The following ZFHX3 variants were observed in gnomAD, a reference collection of about 807,000 sequenced individuals.
The protein encoded by ZFHX3 is zinc finger homeobox 3.
ZFHX3 carries 42 observed loss-of-function variants against 279.1 expected under a neutral mutation model. That is an observed-to-expected ratio of 0.15 (90% CI 0.12 to 0.19). The LOEUF is 0.19. Among genes scored for constraint, ZFHX3 ranks in the 10% least tolerant of loss-of-function variants. The pLI is 1.00. For missense variants in ZFHX3, 4,981 were observed against 4,754.0 expected, an observed-to-expected ratio of 1.05 and a Z score of -1.40; for synonymous variants, 2,293 against 1,957.8, an observed-to-expected ratio of 1.17 and a Z score of -4.52.
intron 4 of ZFHX3, among the ~76,000 whole-genome samples, chr16:72,877,639 T>G (rs1334296968): frequency 6.6e-6 from 1 of 152,242 alleles, no homozygotes; most frequent in Non-Finnish European, 1.5e-5. Context: ...TGTTTCATAC[T>G]TGGGCGGTGA....
chr16:73,204,832 T>C (rs1006123044), intron 5 of ZFHX3, among the ~76,000 whole-genome samples: 2 of 152,324 alleles, frequency 1.3e-5, no homozygotes, highest in South Asian at 4.1e-4. Flanking sequence ...ACGGCTTTCC[T>C]CATTTTAAAG....
At chr16:73,642,207 T>C (rs1373054342) in intron 2 of ZFHX3, among the ~76,000 whole-genome samples, 1 of 152,204 alleles carries the variant, frequency 6.6e-6, no homozygotes, top group African/African-American at 2.4e-5. Flanking sequence ...AAGCACATGG[T>C]TCATTAGACG....
chr16:72,935,740 A>G, intron 3 of ZFHX3, among the ~76,000 whole-genome samples: 1 of 151,876 alleles, frequency 6.6e-6, no homozygotes, highest in Middle Eastern at 3.2e-3. Flanking sequence ...TCTTAAAAAA[A>G]AAAAAAAAAT....
chr16:73,381,157 A>T (rs966603375), intron 3 of ZFHX3, among the ~76,000 whole-genome samples: 1 of 152,016 alleles, frequency 6.6e-6, no homozygotes, highest in Non-Finnish European at 1.5e-5. Context: ...TTATTGAAAG[A>T]CCCCCCAAAC....
intron 5 of ZFHX3, among the ~76,000 whole-genome samples, chr16:73,209,576 T>C (rs543079539): frequency 3.9e-5 from 6 of 152,276 alleles, no homozygotes; most frequent in African/African-American, 1.4e-4. Context: ...GCACTTCCCA[T>C]TAGGTCCCAT....
chr16:73,840,635 G>T (rs567936292), intron 1 of ZFHX3, among the ~76,000 whole-genome samples: 2 of 152,224 alleles, frequency 1.3e-5, no homozygotes, highest in South Asian at 2.1e-4. Context: ...AGCACTTTTT[G>T]TCCATAGCAC....
At chr16:73,483,028 T>G (rs2018897987) in intron 2 of ZFHX3, among the ~76,000 whole-genome samples, 1 of 152,174 alleles carries the variant, frequency 6.6e-6, no homozygotes, top group African/African-American at 2.4e-5. Flanking sequence ...AATCCTTTCT[T>G]GTTCTTTCTT....
chr16:73,074,969 G>A (rs1297038170), intron 8 of ZFHX3, among the ~76,000 whole-genome samples: 2 of 151,576 alleles, frequency 1.3e-5, no homozygotes, highest in Non-Finnish European at 2.9e-5. Flanking sequence ...ACCACACTCA[G>A]CTAATTTTTG....
chr16:73,688,910 T>C (rs1297806229), intron 1 of ZFHX3, among the ~76,000 whole-genome samples: 1 of 152,178 alleles, frequency 6.6e-6, no homozygotes, highest in East Asian at 1.9e-4. Flanking sequence ...CCAAGTGAGA[T>C]GTGCCTTTCA....
At chr16:73,562,381 G>A (rs992212913) in intron 2 of ZFHX3, among the ~76,000 whole-genome samples, 15 of 152,088 alleles carry the variant, frequency 9.9e-5, no homozygotes, top group Non-Finnish European at 1.3e-4. Flanking sequence ...GGATCACGAG[G>A]TCAGGAGATC....
chr16:73,058,669 G>C (rs1460389140), exon 1 of ZFHX3: 2 of 237,576 alleles, frequency 8.4e-6, no homozygotes, highest in African/African-American at 4.7e-5. Flanking sequence ...GGCTGGCGGG[G>C]GTCGGCGGCG....
chr16:73,291,710 G>A (rs950518762), intron 4 of ZFHX3, among the ~76,000 whole-genome samples: 51 of 152,168 alleles, frequency 3.4e-4, no homozygotes, highest in Non-Finnish European at 5.9e-5. Flanking sequence ...TTAACTATAT[G>A]CATTACCTAG....
chr16:72,795,406 C>T lies in ZFHX3; in HGVS notation c.7276G>A (p.Gly2426Ser). ...LATFNSKTEA[G>S]DEKPKLAEAP... The stretch of plus-strand genomic sequence containing the variant: ...TCCGCCAGCTTTGGTTTCTCATCGC[C>T]TGCCTCTGTTTTTGAATTGAAGGTG... Residue 2426 changes from glycine to serine, a missense_variant, in exon 9 of 10, where the codon GGC becomes AGC. This residue lies in a region of ZFHX3 where 744 missense variants were observed against 701.3 expected (regional missense o/e 1.06). Transcript: ENST00000268489. 6.2e-7 allele frequency: 1 copy of T among 1,614,138 alleles called. No homozygotes were observed. Among genetic ancestry groups the T allele is most frequent in the Non-Finnish European group, 8.5e-7 (1 of 1,180,038 alleles).
intron 3 of ZFHX3, among the ~76,000 whole-genome samples, chr16:73,333,802 GACCAA>G (rs869089803): frequency 2.4e-5 from 1 of 42,192 alleles, no homozygotes; most frequent in Admixed American, 3.9e-4. Flanking sequence ...CACCCCAAGA[GACCAA>G]AAAAAAAAAA....
intron 1 of ZFHX3, among the ~76,000 whole-genome samples, chr16:73,699,164 C>T (rs1056403876): frequency 2.0e-5 from 3 of 152,122 alleles, no homozygotes; most frequent in African/African-American, 7.2e-5. Context: ...GTTTTAAGTT[C>T]AGTTAATTGT....
chr16:72,932,467 G>GAA (rs77027785), intron 3 of ZFHX3, among the ~76,000 whole-genome samples: 2 of 145,040 alleles, frequency 1.4e-5, no homozygotes, highest in South Asian at 4.4e-4. Context: ...ATCCCTTTGG[G>GAA]AAAAAAAAAA....
At chr16:73,751,520 T>C (rs1241930992) in intron 1 of ZFHX3, among the ~76,000 whole-genome samples, 1 of 102,000 alleles carries the variant, frequency 9.8e-6, no homozygotes, top group Non-Finnish European at 2.2e-5. Flanking sequence ...TATGTGTATA[T>C]GTGTTTATGT....
intron 2 of ZFHX3, among the ~76,000 whole-genome samples, chr16:73,660,755 T>C (rs2052774169): frequency 6.6e-6 from 1 of 152,204 alleles, no homozygotes; most frequent in Non-Finnish European, 1.5e-5. Flanking sequence ...ACAGGTGGGT[T>C]AGTTAATTCC....
chr16:73,660,517 T>A (rs1302792471), intron 2 of ZFHX3, among the ~76,000 whole-genome samples: 3 of 152,234 alleles, frequency 2.0e-5, no homozygotes, highest in African/African-American at 7.2e-5. Flanking sequence ...ATCATGTTAA[T>A]CTGCATTTCT....
Sources: allele counts gnomAD v4.1 joint callset (sites outside exome capture counted in the v4.1 genomes callset), GRCh38; gene constraint gnomAD v4.1.1; regional missense constraint gnomAD v4.1.1; transcripts MANE v1.5; gene names NCBI Gene and HGNC (gene_info 2026-07-23, HGNC 2026-07-21).